The following TAFA1 variants were observed in gnomAD, a reference collection of about 807,000 sequenced individuals.
The protein encoded by TAFA1 is TAFA chemokine like family member 1, also known as chemokine-like protein TAFA-1.
TAFA1 carries 4 observed loss-of-function variants against 18.5 expected under a neutral mutation model. That is an observed-to-expected ratio of 0.22 (90% CI 0.11 to 0.49). TAFA1 has a LOEUF of 0.49. TAFA1 is among the 20% of genes least tolerant of loss of function. The probability of loss-of-function intolerance (pLI) is 0.98; values close to 1 mark genes in which losing one functional copy is unlikely to be tolerated. For synonymous variants in TAFA1, 56 were observed against 55.2 expected, an observed-to-expected ratio of 1.01 and a Z score of -0.06; for missense variants, 147 against 169.0, an observed-to-expected ratio of 0.87 and a Z score of 0.72.
At chr3:68,214,556 A>G (rs187945665) in intron 2 of TAFA1, among the ~76,000 whole-genome samples, 3 of 152,044 alleles carry the variant, frequency 2.0e-5, no homozygotes, top group Admixed American at 2.0e-4. Flanking sequence ...CAGAGTTCAC[A>G]CTCTCATGCC....
intron 3 of TAFA1, among the ~76,000 whole-genome samples, chr3:68,491,390 G>A (rs2072450499): frequency 6.6e-6 from 1 of 151,980 alleles, no homozygotes; most frequent in Admixed American, 6.6e-5. Flanking sequence ...TCCTTTGTAG[G>A]GACATGGATG....
intron 2 of TAFA1, among the ~76,000 whole-genome samples, chr3:68,227,001 G>A (rs1251992381): frequency 6.6e-6 from 1 of 152,156 alleles, no homozygotes; most frequent in Non-Finnish European, 1.5e-5. Flanking sequence ...CATAAGAGAA[G>A]CTGATTTGGC....
At chr3:68,156,864 A>T (rs1373407732) in intron 2 of TAFA1, among the ~76,000 whole-genome samples, 1 of 152,116 alleles carries the variant, frequency 6.6e-6, no homozygotes, top group Non-Finnish European at 1.5e-5. Context: ...ATAGATGAAA[A>T]ACTGAGGCAC....
chr3:68,352,979 G>C (rs745428667), intron 2 of TAFA1, among the ~76,000 whole-genome samples: 75 of 152,182 alleles, frequency 4.9e-4, no homozygotes, highest in Admixed American at 2.4e-3. Context: ...AAAAAGCGAA[G>C]AAGCCAAATT....
Position 68,084,947 on chromosome 3 carries a change from T to C in TAFA1, c.118+78203T>C, listed in dbSNP as rs76579489. ...TGAAATATCTGTCCTTATGTTAGAG[T>C]CACTGCTGTATGTACTTTCCTCCCC... On this transcript the variant is annotated intron_variant, in intron 2 of 4. Coordinates refer to ENST00000478136, the MANE Select transcript of TAFA1 (RefSeq NM_213609.4). 3.4e-3 allele frequency among the ~76,000 whole-genome samples: 518 copies of C among 152,284 alleles called. 3 individuals carry two copies. The highest frequency in any genetic ancestry group is 0.011 in the African/African-American group (473 of 41,558).
chr3:68,275,871 G>A (rs149150717), intron 2 of TAFA1, among the ~76,000 whole-genome samples: 3 of 151,990 alleles, frequency 2.0e-5, no homozygotes, highest in Non-Finnish European at 4.4e-5. Context: ...CCCCAAATGC[G>A]ACTACCTAAC....
At chr3:68,150,141 G>T (rs1341715477) in intron 2 of TAFA1, among the ~76,000 whole-genome samples, 1 of 152,190 alleles carries the variant, frequency 6.6e-6, no homozygotes, top group Non-Finnish European at 1.5e-5. Flanking sequence ...ATTTGCTGCT[G>T]CAGTTTTGTA....
At chr3:68,167,262 T>G (rs1222215292) in intron 2 of TAFA1, among the ~76,000 whole-genome samples, 1 of 152,190 alleles carries the variant, frequency 6.6e-6, no homozygotes, top group Non-Finnish European at 1.5e-5. Flanking sequence ...GTCAGATGAC[T>G]GCTTCAGAAT....
chr3:68,492,290 A>C (rs951081213), intron 3 of TAFA1, among the ~76,000 whole-genome samples: 1 of 152,072 alleles, frequency 6.6e-6, no homozygotes, highest in African/African-American at 2.4e-5. Context: ...TTATGGACCC[A>C]TTCTATTTCA....
At chr3:68,528,269 A>T (rs570798117) in intron 3 of TAFA1, among the ~76,000 whole-genome samples, 1 of 152,310 alleles carries the variant, frequency 6.6e-6, no homozygotes, top group African/African-American at 2.4e-5. Flanking sequence ...TTTTAACTTC[A>T]TCTACAACTG....
intron 2 of TAFA1, among the ~76,000 whole-genome samples, chr3:68,283,437 T>A (rs115757351): frequency 8.1e-4 from 124 of 152,346 alleles, no homozygotes; most frequent in African/African-American, 3.0e-3. Context: ...AAGTAATTTA[T>A]GCATAATTTT....
chr3:68,334,489 G>A (rs2068937051), intron 2 of TAFA1, among the ~76,000 whole-genome samples: 1 of 152,022 alleles, frequency 6.6e-6, no homozygotes, highest in Non-Finnish European at 1.5e-5. Context: ...AGTTACTTAA[G>A]CAATGTATAA....
intron 2 of TAFA1, among the ~76,000 whole-genome samples, chr3:68,042,053 A>G (rs1174935737): frequency 2.0e-5 from 3 of 152,212 alleles, no homozygotes; most frequent in Admixed American, 6.5e-5. Flanking sequence ...CAGATTTTCT[A>G]CTTTAATGGG....
chr3:68,486,032 G>T (rs1405514590), intron 3 of TAFA1, among the ~76,000 whole-genome samples: 1 of 151,880 alleles, frequency 6.6e-6, no homozygotes, highest in East Asian at 1.9e-4. Flanking sequence ...GGCTCAAGCA[G>T]CTCCTGAGTG....
At chr3:68,015,741 A>AT (rs1704557797) in intron 2 of TAFA1, among the ~76,000 whole-genome samples, 1 of 152,244 alleles carries the variant, frequency 6.6e-6, no homozygotes, top group Non-Finnish European at 1.5e-5. Flanking sequence ...CTAGTGAGTT[A>AT]TAAATTTATC....
At chr3:68,441,895 A>G (rs1402543083) in intron 3 of TAFA1, among the ~76,000 whole-genome samples, 1 of 152,192 alleles carries the variant, frequency 6.6e-6, no homozygotes, top group East Asian at 1.9e-4. Flanking sequence ...CAGTGAAGGG[A>G]TATCTTCCCA....
At chr3:68,412,038 A>T (rs2070729195) in intron 2 of TAFA1, among the ~76,000 whole-genome samples, 1 of 152,086 alleles carries the variant, frequency 6.6e-6, no homozygotes, top group South Asian at 2.1e-4. Context: ...GCCATAGTTC[A>T]ACTTGTCAAA....
chr3:68,305,303 C>T (rs1055431346), intron 2 of TAFA1, among the ~76,000 whole-genome samples: 4 of 149,894 alleles, frequency 2.7e-5, no homozygotes, highest in Non-Finnish European at 5.9e-5. Flanking sequence ...ATGACCTCAT[C>T]TTAATGCAAT....
At chr3:68,219,044 C>G (rs1294680232) in intron 2 of TAFA1, among the ~76,000 whole-genome samples, 1 of 151,064 alleles carries the variant, frequency 6.6e-6, no homozygotes, top group Non-Finnish European at 1.5e-5. Context: ...AAGATGTTCT[C>G]TAAAAGGATT....
Sources: gnomAD v4.1 joint callset for allele counts (sites outside exome capture counted in the v4.1 genomes callset) on GRCh38, gnomAD v4.1.1 for gene constraint, MANE v1.5 for transcripts, NCBI Gene and HGNC (gene_info 2026-07-23, HGNC 2026-07-21) for gene names.